The following CHMP4C variants were observed in gnomAD, a reference collection of about 807,000 sequenced individuals.
CHMP4C encodes charged multivesicular body protein 4C, also known as SNF7 homolog associated with Alix 3.
A neutral mutation model predicts 29.0 loss-of-function variants in CHMP4C; 28 were observed. That is an observed-to-expected ratio of 0.97 (90% CI 0.72 to 1.32). The LOEUF (loss-of-function observed/expected upper bound fraction) is 1.32. Among genes scored for constraint, CHMP4C ranks in the 40% most tolerant of loss-of-function variants. CHMP4C has a pLI of 0.00. For synonymous variants in CHMP4C, 106 were observed against 102.4 expected (o/e 1.04, Z -0.21); for missense variants, 291 against 281.0 (o/e 1.04, Z -0.25).
intron 1 of CHMP4C, chr8:81,733,035 C>T (rs1350152449): frequency 2.5e-6 from 1 of 404,642 alleles, no homozygotes; most frequent in African/African-American, 2.0e-5. Context: ...TCTCAGTAAT[C>T]AAGATGAACA....
rs566065080 is a variant in CHMP4C at position 81,733,152 on chromosome 8, A to G, written c.190+336A>G. On this transcript the variant is annotated intron_variant, in intron 1 of 4. Coordinates refer to ENST00000297265, the MANE Select transcript of CHMP4C (RefSeq NM_152284.4). ...GACAAGATTGGTATTGATTTTTTTC[A>G]TTTGCCTCTAGCTCTTATGTTGTTA... Among the ~76,000 whole-genome samples, 5 of 152,306 alleles carry G rather than the reference A, an allele frequency of 3.3e-5. No homozygotes were observed. The East Asian group carries it at 9.6e-4, about 29-fold the overall frequency.
chr8:81,743,914 T>C (rs916304656), intron 1 of CHMP4C, among the ~76,000 whole-genome samples: 1 of 152,238 alleles, frequency 6.6e-6, no homozygotes, highest in Non-Finnish European at 1.5e-5. Context: ...TCCTCTTTTA[T>C]ACTTTATAGT....
At chr8:81,745,134 A>G (rs894776888) in intron 1 of CHMP4C, among the ~76,000 whole-genome samples, 1 of 152,224 alleles carries the variant, frequency 6.6e-6, no homozygotes, top group Non-Finnish European at 1.5e-5. Flanking sequence ...GGTGATTTGT[A>G]TATGAGTAAG....
intron 1 of CHMP4C, among the ~76,000 whole-genome samples, chr8:81,739,422 G>GGT (rs1554592461): frequency 5.6e-5 from 8 of 143,358 alleles, no homozygotes; most frequent in African/African-American, 1.8e-4. Flanking sequence ...GGATTGTGGG[G>GGT]GGGGGTGGAA....
chr8:81,746,307 A>G (rs1448103579), intron 1 of CHMP4C, among the ~76,000 whole-genome samples: 3 of 152,198 alleles, frequency 2.0e-5, no homozygotes, highest in Non-Finnish European at 4.4e-5. Flanking sequence ...GGAAATCCAG[A>G]TGTCTTGCTT....
At position 81,759,501 on chromosome 8, in the gene CHMP4C, A is replaced by G. The variant is rs1430363386; in HGVS notation, c.*957A>G. 1 of 152,250 alleles carries G rather than the reference A, an allele frequency of 6.6e-6. No individual in the cohort carries two copies. Among genetic ancestry groups the G allele is most frequent in the Non-Finnish European group, 1.5e-5 (1 of 68,048 alleles). 9.4% of individuals were successfully genotyped at this position (152,250 alleles called of 1,614,324 possible). A position where few individuals can be genotyped will look rare whatever the true frequency, so the allele number is the denominator to read the frequency against. On this transcript the variant is annotated 3_prime_UTR_variant, in exon 5 of 5. Coordinates refer to ENST00000297265, the MANE Select transcript of CHMP4C (RefSeq NM_152284.4). ...CATAAAAATATTGGCAATTAAAAGT[A>G]CATCTTGAATAAAATGTTGGCCGTT... is the stretch of plus-strand genomic sequence containing the variant.
chr8:81,737,734 G>A (rs903200689), intron 1 of CHMP4C, among the ~76,000 whole-genome samples: 10 of 152,140 alleles, frequency 6.6e-5, no homozygotes, highest in Non-Finnish European at 1.3e-4. Flanking sequence ...TAATGGCAAC[G>A]ATGACATAAA....
At chr8:81,736,739 C>T (rs1235970043) in intron 1 of CHMP4C, among the ~76,000 whole-genome samples, 1 of 152,118 alleles carries the variant, frequency 6.6e-6, no homozygotes, top group Non-Finnish European at 1.5e-5. Context: ...AATTGGAGCA[C>T]CTCAAAGTAC....
chr8:81,732,579 A>G lies in CHMP4C; in HGVS notation c.-48A>G. 1.4e-6 allele frequency: 2 copies of G among 1,429,156 alleles called. No individual in the cohort carries two copies. The highest frequency in any genetic ancestry group is 1.9e-6 in the Non-Finnish European group (2 of 1,064,132). 88.5% of individuals were successfully genotyped at this position (1,429,156 alleles called of 1,614,324 possible). On this transcript the variant is annotated 5_prime_UTR_variant, in exon 1 of 5. Transcript: ENST00000297265. ...CTGTCCCCTCGGCGCGGCCCCGGGGAGCTCCCGAGAGGCCCCCGGGATCGC... is the reference window on the plus strand; with the variant it reads ...CTGTCCCCTCGGCGCGGCCCCGGGGGGCTCCCGAGAGGCCCCCGGGATCGC...
intron 1 of CHMP4C, among the ~76,000 whole-genome samples, chr8:81,743,852 G>A (rs774124971): frequency 9.9e-5 from 15 of 152,020 alleles, no homozygotes; most frequent in African/African-American, 2.2e-4. Flanking sequence ...TCCTTTGCCC[G>A]TTTGCTGTCT....
At chr8:81,737,812 A>G (rs1808713094) in intron 1 of CHMP4C, among the ~76,000 whole-genome samples, 1 of 152,228 alleles carries the variant, frequency 6.6e-6, no homozygotes, top group Non-Finnish European at 1.5e-5. Flanking sequence ...TATAAACATT[A>G]GCTCTTGGTA....
At chr8:81,755,046 A>G (rs1808952744) in intron 2 of CHMP4C, among the ~76,000 whole-genome samples, 1 of 152,166 alleles carries the variant, frequency 6.6e-6, no homozygotes, top group Non-Finnish European at 1.5e-5. Flanking sequence ...GAGTTGATAC[A>G]CAGCAGCATG....
In CHMP4C at chr8:81,732,590, G is replaced by A. The variant is rs1012911665; in HGVS notation, c.-37G>A. On this transcript the variant is annotated 5_prime_UTR_variant, in exon 1 of 5. Coordinates refer to ENST00000297265, the MANE Select transcript of CHMP4C (RefSeq NM_152284.4). ...GCGCGGCCCCGGGGAGCTCCCGAGA[G>A]GCCCCCGGGATCGCTGGCCCTCCGA... 3 of 1,496,852 alleles carry A rather than the reference G, an allele frequency of 2.0e-6. No individual in the cohort carries two copies. In the African/African-American group the frequency reaches 4.2e-5, roughly 21 times the overall value. The allele number at this position is 1,496,852 out of a possible 1,614,324, so 92.7% of individuals were successfully genotyped here.
chr8:81,737,424 G>A (rs1808705720), intron 1 of CHMP4C, among the ~76,000 whole-genome samples: 1 of 152,106 alleles, frequency 6.6e-6, no homozygotes, highest in South Asian at 2.1e-4. Flanking sequence ...GGAGCTAAAG[G>A]GTATCAATAT....
rs545017854 is a variant in CHMP4C at position 81,736,753 on chromosome 8, G to C, written c.190+3937G>C. Among the ~76,000 whole-genome samples, 29 of 152,292 alleles carry C rather than the reference G, an allele frequency of 1.9e-4. No individual in the cohort carries two copies. The South Asian group carries it at 5.4e-3, about 28-fold the overall frequency. ...GAATTGGAGCACCTCAAAGTACCTAGAGTTGGGACTTCATTGAGCTCATGG... is the reference window on the plus strand; with the variant it reads ...GAATTGGAGCACCTCAAAGTACCTACAGTTGGGACTTCATTGAGCTCATGG... On this transcript the variant is annotated intron_variant, in intron 1 of 4. Coordinates refer to ENST00000297265, the MANE Select transcript of CHMP4C (RefSeq NM_152284.4).
intron 1 of CHMP4C, 74 bp downstream of exon 1, chr8:81,732,890 C>T (rs757894143): frequency 7.2e-7 from 1 of 1,396,862 alleles, no homozygotes; most frequent in Non-Finnish European, 9.8e-7. Flanking sequence ...TCGGCCCACA[C>T]CACTGAGGTC....
chr8:81,757,144 TC>T (rs1282362067), intron 3 of CHMP4C, among the ~76,000 whole-genome samples: 1 of 152,104 alleles, frequency 6.6e-6, no homozygotes, highest in African/African-American at 2.4e-5. Flanking sequence ...TTATGTGCCT[TC>T]CCCCCACATT....
chr8:81,751,921 A>G (rs1808909107), intron 1 of CHMP4C, among the ~76,000 whole-genome samples: 1 of 152,194 alleles, frequency 6.6e-6, no homozygotes, highest in Admixed American at 6.5e-5. Context: ...ATTGTAATAA[A>G]AAACTGGCAT....
chr8:81,740,455 T>C (rs149572718), intron 1 of CHMP4C, among the ~76,000 whole-genome samples: 1,575 of 152,202 alleles, frequency 0.01, 26 homozygotes, highest in African/African-American at 0.036. Flanking sequence ...GGCGCTCAGG[T>C]GGTAAGGCTT....
Sources: gnomAD v4.1 joint callset for allele counts (sites outside exome capture counted in the v4.1 genomes callset) on GRCh38, gnomAD v4.1.1 for gene constraint, MANE v1.5 for transcripts, NCBI Gene and HGNC (gene_info 2026-07-23, HGNC 2026-07-21) for gene names.